ITLN1: variants seen among roughly 807,000 people sequenced by gnomAD.
The protein encoded by ITLN1 is intelectin-1.
Under a neutral mutation model 36.2 loss-of-function variants are expected in ITLN1, and 29 were observed. The ratio of observed to expected loss-of-function variants is 0.80; its 90% confidence interval spans 0.60 to 1.09. ITLN1 has a LOEUF of 1.09. ITLN1 is among the 50% of genes least tolerant of loss of function. ITLN1 has a pLI of 0.00. For missense variants in ITLN1, 358 were observed against 405.2 expected, an observed-to-expected ratio of 0.88 and a Z score of 1.00; for synonymous variants, 143 against 146.5, an observed-to-expected ratio of 0.98 and a Z score of 0.17.
chr1:160,883,256 G>A (rs1415418768), intron 3 of ITLN1, among the ~76,000 whole-genome samples, 172 bp downstream of exon 3: 3 of 152,154 alleles, frequency 2.0e-5, no homozygotes, highest in Non-Finnish European at 4.4e-5. Flanking sequence ...AACCTTGAAG[G>A]TAATTAATGC....
At chr1:160,882,703 C>T (rs141068321) in intron 3 of ITLN1, among the ~76,000 whole-genome samples, 2 of 152,168 alleles carry the variant, frequency 1.3e-5, no homozygotes, top group East Asian at 3.9e-4. Flanking sequence ...AAACACTGTG[C>T]TAAGTGAAAT....
intron 4 of ITLN1, 132 bp downstream of exon 4, chr1:160,881,825 A>AG: frequency 1.9e-6 from 2 of 1,066,038 alleles, no homozygotes; most frequent in Non-Finnish European, 2.7e-6. Flanking sequence ...AAAAAAAAAA[A>AG]GATATAAGTA....
rs754389543 is a variant in ITLN1, at chr1:160,880,689, C to A, written c.584G>T (p.Gly195Val). ...GIYQKYPVKY[G>V]EGKCWTDNGP... ...GTTGTCAGTCCAACACTTTCCTTCT[C>A]CATATTTCACTGGATATTTCTACAA... Residue 195 changes from glycine to valine, a missense_variant, in exon 6 of 8, where the codon GGA (glycine) becomes GTA (valine). Transcript: ENST00000326245. The A allele has an allele frequency of 3.7e-6, 6 of 1,614,112 alleles. No homozygotes were observed. Among genetic ancestry groups the A allele is most frequent in the Non-Finnish European group, 5.1e-6 (6 of 1,180,018 alleles).
Position 160,876,809 on chromosome 1 carries a change from A to G in ITLN1, c.797T>C (p.Ile266Thr), listed in dbSNP as rs747924896. 15 of 1,613,858 alleles carry G rather than the reference A, an allele frequency of 9.3e-6. No individual in the cohort carries two copies. The highest frequency in any genetic ancestry group is 1.3e-5 in the African/African-American group (1 of 74,936). Residue 266 changes from isoleucine to threonine, a missense_variant, in exon 8 of 8, where the codon ATT becomes ACT. Coordinates refer to ENST00000326245, the MANE Select transcript of ITLN1 (RefSeq NM_017625.3). ...VTGCNTEHHC[I>T]GGGGYFPEAS... ...CTCTGGAAAGTATCCTCCTCCACCA[A>G]TGCAGTGCTGGGAAACAAAGAGAGG...
intron 2 of ITLN1, among the ~76,000 whole-genome samples, chr1:160,884,152 A>G (rs1670722159): frequency 6.8e-6 from 1 of 146,936 alleles, no homozygotes. Context: ...GCCTAGAGAA[A>G]AAAAAAAAAA....
chr1:160,880,976 A>G (rs1277220572), intron 5 of ITLN1, among the ~76,000 whole-genome samples, 178 bp downstream of exon 5: 1 of 152,076 alleles, frequency 6.6e-6, no homozygotes, highest in Non-Finnish European at 1.5e-5. Context: ...GTCCTCTCCA[A>G]TAGGTCCCTT....
chr1:160,880,679 C>G lies in ITLN1; in HGVS notation c.594G>C (p.Lys198Asn), dbSNP rs764984859. 2 of 1,614,164 alleles carry G rather than the reference C, an allele frequency of 1.2e-6. No individual in the cohort carries two copies. The highest frequency in any genetic ancestry group is 3.3e-5 in the Admixed American group (2 of 60,026). Residue 198 changes from lysine (K) to asparagine (N), a missense_variant, in exon 6 of 8, where the codon AAG becomes AAC. Physicochemically the swap from Lys to Asn is moderately conservative, Grantham distance 94 (BLOSUM62 0). Transcript: ENST00000326245. ...QKYPVKYGEG[K>N]CWTDNGPVIP... is the part of the protein sequence containing the mutation. ...TCACCGGGCCGTTGTCAGTCCAACA[C>G]TTTCCTTCTCCATATTTCACTGGAT... is the stretch of plus-strand genomic sequence containing the variant.
Position 160,883,425 on chromosome 1 carries a change from C to A in ITLN1, c.157+3G>T, listed in dbSNP as rs753674466. The A allele has an allele frequency of 6.2e-7, 1 of 1,603,980 alleles. No homozygotes were observed. The highest frequency in any genetic ancestry group is 1.7e-5 in the Admixed American group (1 of 59,982). On this transcript the variant is annotated splice_donor_region_variant and intron_variant, in intron 3 of 7. Coordinates refer to ENST00000326245, the MANE Select transcript of ITLN1 (RefSeq NM_017625.3). ...AGCTCTGTTTGAATGTTTCATCACT[C>A]ACCAAATGCACTAGGACATTCGTCT... is the stretch of plus-strand genomic sequence containing the variant.
At chr1:160,877,081 T>C (rs1217308077) in intron 7 of ITLN1, among the ~76,000 whole-genome samples, 2 of 151,946 alleles carry the variant, frequency 1.3e-5, no homozygotes, top group Non-Finnish European at 2.9e-5. Context: ...CTACAAAAAA[T>C]ACAAAAATTA....
chr1:160,878,219 A>G (rs534472606), intron 7 of ITLN1, among the ~76,000 whole-genome samples: 1 of 151,564 alleles, frequency 6.6e-6, no homozygotes, highest in South Asian at 2.1e-4. Flanking sequence ...TGCTCCTGCC[A>G]TGGGAGACAC....
intron 6 of ITLN1, among the ~76,000 whole-genome samples, chr1:160,880,162 G>A (rs998636228): frequency 2.0e-5 from 3 of 152,132 alleles, no homozygotes; most frequent in African/African-American, 7.2e-5. Context: ...AAAATCAGCT[G>A]GGCGTGGTGG....
At chr1:160,876,859 C>T in intron 7 of ITLN1, 43 bp from the exon 8 acceptor site, 1 of 1,596,846 alleles carries the variant, frequency 6.3e-7, no homozygotes, top group Non-Finnish European at 8.6e-7. Context: ...AGAGATCTGC[C>T]AGTGAGGCCA....
chr1:160,879,479 C>T (rs1365567219), intron 6 of ITLN1, 65 bp from the exon 7 acceptor site: 2 of 1,269,404 alleles, frequency 1.6e-6, no homozygotes, highest in East Asian at 2.3e-5. Context: ...CTTAGGCCAG[C>T]CCAGAGGCTC....
intron 4 of ITLN1, 94 bp downstream of exon 4, chr1:160,881,863 A>T (rs1352212819): frequency 1.3e-6 from 2 of 1,522,834 alleles, no homozygotes; most frequent in Non-Finnish European, 1.8e-6. Flanking sequence ...AGCCCATCCC[A>T]CACCCCTACC....
At chr1:160,882,454 G>A (rs572425579) in intron 3 of ITLN1, among the ~76,000 whole-genome samples, 2 of 152,300 alleles carry the variant, frequency 1.3e-5, no homozygotes, top group Middle Eastern at 3.4e-3. Context: ...TGGAATTATT[G>A]TATGACCCAG....
chr1:160,878,516 A>G (rs1447364064), intron 7 of ITLN1, among the ~76,000 whole-genome samples: 3 of 151,582 alleles, frequency 2.0e-5, no homozygotes, highest in Non-Finnish European at 4.4e-5. Flanking sequence ...CCTCCCAAGT[A>G]GCTGAGACCA....
chr1:160,878,918 C>T (rs537920065), intron 7 of ITLN1, among the ~76,000 whole-genome samples: 1 of 152,180 alleles, frequency 6.6e-6, no homozygotes, highest in South Asian at 2.1e-4. Context: ...TCCAGGTTTT[C>T]TCTGAAATAT....
intron 7 of ITLN1, among the ~76,000 whole-genome samples, chr1:160,877,750 G>A (rs367790461): frequency 2.6e-5 from 4 of 152,202 alleles, no homozygotes; most frequent in South Asian, 2.1e-4. Context: ...CCAGTGTTGG[G>A]GGTGGGGCCT....
chr1:160,883,813 T>C (rs574680476), intron 2 of ITLN1, among the ~76,000 whole-genome samples: 2 of 152,324 alleles, frequency 1.3e-5, no homozygotes, highest in African/African-American at 4.8e-5. Flanking sequence ...AAGCACTGAG[T>C]AATCAAAGAC....
Sources: gnomAD v4.1 joint callset for allele counts (sites outside exome capture counted in the v4.1 genomes callset) on GRCh38, gnomAD v4.1.1 for gene constraint, MANE v1.5 for transcripts, NCBI Gene and HGNC (gene_info 2026-07-23, HGNC 2026-07-21) for gene names.